Variants in RYR3 observed in about 807,000 individuals in gnomAD.
RYR3 encodes the protein brain ryanodine receptor-calcium release channel.
RYR3 carries 207 observed loss-of-function variants against 584.3 expected under a neutral mutation model. The observed-to-expected ratio is 0.35, with a 90% confidence interval of 0.32 to 0.40. The LOEUF (loss-of-function observed/expected upper bound fraction) is 0.40, where lower values mean the gene tolerates loss of function less well. RYR3 is among the 10% of genes least tolerant of loss of function. The probability of loss-of-function intolerance (pLI) is 1.00; values close to 1 mark genes in which losing one functional copy is unlikely to be tolerated. For missense variants in RYR3, 5,616 were observed against 6,089.2 expected (o/e 0.92, Z 2.59); for synonymous variants, 2,416 against 2,248.5 (o/e 1.07, Z -2.11).
At chr15:33,480,667 A>G (rs1325730529) in intron 2 of RYR3, among the ~76,000 whole-genome samples, 1 of 152,180 alleles carries the variant, frequency 6.6e-6, no homozygotes, top group African/African-American at 2.4e-5. Context: ...ATAAGTTTTA[A>G]TTGTTACTAA....
intron 43 of RYR3, among the ~76,000 whole-genome samples, chr15:33,712,802 A>G (rs1019967309): frequency 6.6e-5 from 10 of 152,208 alleles, no homozygotes; most frequent in Non-Finnish European, 1.3e-4. Flanking sequence ...ATCATTTACT[A>G]GTTGTGTGAA....
chr15:33,760,207 A>G (rs8028553), intron 60 of RYR3, among the ~76,000 whole-genome samples: 2,454 of 152,322 alleles, frequency 0.016, 70 homozygotes, highest in African/African-American at 0.056. Flanking sequence ...GACAATCGAC[A>G]CTATGAAGAA....
intron 2 of RYR3, among the ~76,000 whole-genome samples, chr15:33,479,801 C>T (rs1370647561): frequency 6.6e-6 from 1 of 152,182 alleles, no homozygotes; most frequent in Admixed American, 6.5e-5. Context: ...CATCTCCATA[C>T]CCCTCCCACA....
At chr15:33,456,142 T>G (rs2142021475) in intron 1 of RYR3, among the ~76,000 whole-genome samples, 1 of 152,338 alleles carries the variant, frequency 6.6e-6, no homozygotes, top group South Asian at 2.1e-4. Flanking sequence ...CTCTGCTATG[T>G]TTTTAGGGCT....
At chr15:33,860,367 G>A (rs1597103815) in intron 100 of RYR3, among the ~76,000 whole-genome samples, 3 of 152,176 alleles carry the variant, frequency 2.0e-5, no homozygotes, top group Admixed American at 6.5e-5. Flanking sequence ...GTTTCAGGGA[G>A]GAGCAAGTAG....
At chr15:33,766,311 A>G (rs977775106) in intron 60 of RYR3, among the ~76,000 whole-genome samples, 8 of 151,946 alleles carry the variant, frequency 5.3e-5, no homozygotes, top group African/African-American at 1.9e-4. Flanking sequence ...AGAAAAAAAG[A>G]AAAACCAGTC....
rs201672415 is a variant in RYR3 at position 33,696,366 on chromosome 15, C to T, written c.6009C>T (p.Thr2003=). 3.1e-6 allele frequency: 5 copies of T among 1,613,904 alleles called. No homozygotes were observed. Among genetic ancestry groups the T allele is most frequent in the African/African-American group, 1.3e-5 (1 of 75,006 alleles). The part of the protein sequence containing the change: ...IGELLQALRK[T]YTISHTSVSD... Reference sequence around the variant, plus strand: ...AGCTGCTGCAGGCGCTGCGGAAGACCTACACCATCAGCCACACCTCTGTAA... The same window carrying T: ...AGCTGCTGCAGGCGCTGCGGAAGACTTACACCATCAGCCACACCTCTGTAA... The change falls in exon 39 of 104, where the codon ACC becomes ACT. Residue 2003 remains threonine (T), a synonymous_variant. Coordinates refer to ENST00000634891, the MANE Select transcript of RYR3 (RefSeq NM_001036.6).
At chr15:33,782,169 T>C (rs1444464537) in intron 65 of RYR3, among the ~76,000 whole-genome samples, 1 of 152,200 alleles carries the variant, frequency 6.6e-6, no homozygotes, top group East Asian at 1.9e-4. Context: ...AAACTGCCTC[T>C]GCTCTTTAGT....
At chr15:33,653,893 C>T (rs2062655389) in intron 32 of RYR3, among the ~76,000 whole-genome samples, 1 of 152,168 alleles carries the variant, frequency 6.6e-6, no homozygotes, top group South Asian at 2.1e-4. Context: ...GTTATTAGCA[C>T]ACTGAAATAT....
chr15:33,635,816 C>A lies in RYR3; in HGVS notation c.3378C>A (p.Asn1126Lys), dbSNP rs1401654554. 1 of 1,610,678 alleles carries A rather than the reference C, an allele frequency of 6.2e-7. No homozygotes were observed. Among genetic ancestry groups the A allele is most frequent in the Non-Finnish European group, 8.5e-7 (1 of 1,179,276 alleles). ...ADDQAFVFEG[N>K]RGQRWHQGSG... ...ACCAAGCCTTTGTGTTTGAAGGCAACAGGGTGAGTTTATATATCTAGCAAA... is the reference window on the plus strand; with the variant it reads ...ACCAAGCCTTTGTGTTTGAAGGCAAAAGGGTGAGTTTATATATCTAGCAAA... The change falls in exon 26 of 104, where the codon AAC becomes AAA. Residue 1126 changes from asparagine (N) to lysine (K), a missense_variant. Physicochemically the swap from Asn to Lys is moderately conservative, Grantham distance 94. Around this residue, in one of 9 missense-constraint regions of RYR3, gnomAD observed 152 missense variants for 200.9 expected, o/e 0.76. Coordinates refer to ENST00000634891, the MANE Select transcript of RYR3 (RefSeq NM_001036.6).
chr15:33,772,372 T>C (rs1178154813), intron 63 of RYR3, among the ~76,000 whole-genome samples: 1 of 152,218 alleles, frequency 6.6e-6, no homozygotes, highest in Non-Finnish European at 1.5e-5. Flanking sequence ...ATATAATATT[T>C]ATCTTTTTCC....
intron 31 of RYR3, 86 bp from the exon 32 acceptor site, chr15:33,652,632 C>CA: frequency 1.4e-6 from 2 of 1,385,540 alleles, no homozygotes; most frequent in South Asian, 2.7e-5. Flanking sequence ...TTTCTGTAGC[C>CA]ATTTTCATTT....
intron 1 of RYR3, among the ~76,000 whole-genome samples, chr15:33,353,248 A>G (rs1225085054): frequency 6.6e-6 from 1 of 152,190 alleles, no homozygotes; most frequent in African/African-American, 2.4e-5. Context: ...TATGCCAAGG[A>G]AAGTAACTGA....
At chr15:33,350,947 C>A (rs1973162383) in intron 1 of RYR3, among the ~76,000 whole-genome samples, 1 of 152,096 alleles carries the variant, frequency 6.6e-6, no homozygotes, top group African/African-American at 2.4e-5. Flanking sequence ...ACAAAAAACC[C>A]TTCAAAAATT....
At chr15:33,512,307 G>A (rs566912656) in intron 3 of RYR3, among the ~76,000 whole-genome samples, 122 of 152,246 alleles carry the variant, frequency 8.0e-4, no homozygotes, top group Middle Eastern at 6.8e-3. Context: ...TCTTTCTCCT[G>A]CCATATCTCC....
intron 1 of RYR3, among the ~76,000 whole-genome samples, chr15:33,385,476 T>A (rs1272229588): frequency 3.3e-5 from 5 of 152,206 alleles, no homozygotes; most frequent in African/African-American, 1.2e-4. Flanking sequence ...ACTACTGCTT[T>A]TATCTATAGA....
At chr15:33,608,558 A>G (rs977967679) in intron 18 of RYR3, among the ~76,000 whole-genome samples, 4 of 152,228 alleles carry the variant, frequency 2.6e-5, no homozygotes, top group Non-Finnish European at 4.4e-5. Context: ...TGAATATGAT[A>G]TGAGATGGGC....
Position 33,738,466 on chromosome 15 carries a change from A to G in RYR3, c.7532A>G (p.Tyr2511Cys), listed in dbSNP as rs1437149667. The change falls in exon 50 of 104, where the codon TAT becomes TGT. Residue 2511 changes from tyrosine (Y) to cysteine (C), a missense_variant. Coordinates refer to ENST00000634891, the MANE Select transcript of RYR3 (RefSeq NM_001036.6). ...ACCTCCCAGCTTCTGACGAATCACT[A>G]TGAACAGTGTTGGAAGTATTACTGC... ...KMPLKLLTNH[Y>C]EQCWKYYCLP... is the part of the protein sequence containing the mutation. 1.2e-6 allele frequency: 2 copies of G among 1,613,642 alleles called. No homozygotes were observed. Among genetic ancestry groups the G allele is most frequent in the Non-Finnish European group, 8.5e-7 (1 of 1,179,742 alleles).
intron 18 of RYR3, among the ~76,000 whole-genome samples, chr15:33,610,700 G>C (rs1042986370): frequency 6.6e-6 from 1 of 152,152 alleles, no homozygotes; most frequent in Non-Finnish European, 1.5e-5. Context: ...AAGTGTTTCA[G>C]GTTTTAGATT....
Sources: allele counts gnomAD v4.1 joint callset (sites outside exome capture counted in the v4.1 genomes callset), GRCh38; gene constraint gnomAD v4.1.1; regional missense constraint gnomAD v4.1.1; transcripts MANE v1.5; gene names NCBI Gene and HGNC (gene_info 2026-07-23, HGNC 2026-07-21).